The following GAREM1 variants were observed in gnomAD, a reference collection of about 807,000 sequenced individuals.
GAREM1 encodes the protein GRB2-associated and regulator of MAPK protein 1.
In GAREM1, 26 loss-of-function variants were observed where a neutral mutation model predicts 71.3. The observed-to-expected ratio is 0.36, with a 90% CI of 0.27 to 0.51. The LOEUF (loss-of-function observed/expected upper bound fraction) is 0.51. Among genes scored for constraint, GAREM1 ranks in the 20% least tolerant of loss-of-function variants. GAREM1 has a pLI of 0.95. For synonymous variants in GAREM1, 440 were observed against 433.2 expected, an observed-to-expected ratio of 1.02 and a Z score of -0.20; for missense variants, 1,026 against 1,103.1, an observed-to-expected ratio of 0.93 and a Z score of 0.99.
chr18:32,267,638 G>A lies in GAREM1; in HGVS notation c.*233C>T, dbSNP rs188884110. ...CTTTTTTTCTTTTAGCAGCTGCTGAGTGTTTGTTGAGTGACGTACAAGGCA... is the reference window on the plus strand; with the variant it reads ...CTTTTTTTCTTTTAGCAGCTGCTGAATGTTTGTTGAGTGACGTACAAGGCA... On this transcript the variant is annotated 3_prime_UTR_variant, in exon 6 of 6. Transcript: ENST00000269209. The A allele has an allele frequency of 6.6e-5, 27 of 411,804 alleles. No individual in the cohort carries two copies. The Admixed American group carries it at 9.2e-4, about 14-fold the overall frequency. The allele number at this position is 411,804 out of a possible 1,614,324, so 25.5% of individuals were successfully genotyped here.
chr18:32,459,897 G>A, intron 1 of GAREM1, among the ~76,000 whole-genome samples: 1 of 152,078 alleles, frequency 6.6e-6, no homozygotes, highest in East Asian at 1.9e-4. Flanking sequence ...GCCTTCTCAG[G>A]TATTTCATTA....
At chr18:32,343,957 C>A (rs535797719) in intron 2 of GAREM1, among the ~76,000 whole-genome samples, 38 of 152,246 alleles carry the variant, frequency 2.5e-4, no homozygotes, top group Middle Eastern at 3.4e-3. Flanking sequence ...CTCTCTGACT[C>A]CCTCCTAGGC....
chr18:32,417,625 G>A (rs1214948466), intron 1 of GAREM1, among the ~76,000 whole-genome samples: 1 of 152,106 alleles, frequency 6.6e-6, no homozygotes, highest in Non-Finnish European at 1.5e-5. Context: ...GGCACAGAAA[G>A]ACAGACATTG....
chr18:32,447,879 T>C (rs906009996), intron 1 of GAREM1, among the ~76,000 whole-genome samples: 36 of 152,308 alleles, frequency 2.4e-4, no homozygotes, highest in East Asian at 3.9e-4. Flanking sequence ...TTAGAAGTTA[T>C]GTTGTTGAAA....
intron 1 of GAREM1, among the ~76,000 whole-genome samples, chr18:32,423,712 A>G (rs2048543920): frequency 1.3e-5 from 2 of 152,244 alleles, no homozygotes; most frequent in Non-Finnish European, 2.9e-5. Context: ...AGAATCTTTA[A>G]GTTGCAAGGA....
At chr18:32,300,926 AG>A (rs1414599903) in intron 3 of GAREM1, among the ~76,000 whole-genome samples, 3 of 150,122 alleles carry the variant, frequency 2.0e-5, no homozygotes, top group African/African-American at 2.5e-5. Flanking sequence ...AAAAAAAAAA[AG>A]AAGAAGGCAC....
intron 1 of GAREM1, chr18:32,413,292 A>T: frequency 1.6e-6 from 2 of 1,283,464 alleles, no homozygotes; most frequent in Non-Finnish European, 2.2e-6. Flanking sequence ...ACTCACATTA[A>T]GTAGATTTCC....
intron 2 of GAREM1, among the ~76,000 whole-genome samples, chr18:32,321,858 A>G (rs1207792499): frequency 6.6e-6 from 1 of 152,188 alleles, no homozygotes; most frequent in Non-Finnish European, 1.5e-5. Context: ...AACCATCCCT[A>G]CACCATTGCT....
Position 32,378,012 on chromosome 18 carries a change from CTGTGTGTGTG to C in GAREM1, c.262+14873_262+14882del, listed in dbSNP as rs1157230204. Among the ~76,000 whole-genome samples the C allele has an allele frequency of 2.4e-3, 320 of 131,854 alleles. 1 individual carries two copies. The highest frequency in any genetic ancestry group is 8.4e-3 in the East Asian group (37 of 4,410). 86.5% of individuals were successfully genotyped at this position (131,854 alleles called of 152,430 possible). ...ATCCCAAAGATCACTTACTATATAACTGTGTGTGTGTGTGTGTGTGTGTGTGTGTGTGTGT... is the reference window on the plus strand; with the variant it reads ...ATCCCAAAGATCACTTACTATATAACTGTGTGTGTGTGTGTGTGTGTGTGT... On this transcript the variant is annotated intron_variant, in intron 2 of 5. Transcript: ENST00000269209.
intron 2 of GAREM1, among the ~76,000 whole-genome samples, chr18:32,358,890 C>CT (rs1483651633): frequency 6.6e-6 from 1 of 152,180 alleles, no homozygotes; most frequent in Non-Finnish European, 1.5e-5. Context: ...AACGTGGGTT[C>CT]TCTCTTGTGC....
At chr18:32,427,325 G>A (rs7243481) in intron 1 of GAREM1, among the ~76,000 whole-genome samples, 32,814 of 151,950 alleles carry the variant, frequency 0.22, 4,155 homozygotes, top group East Asian at 0.38. Flanking sequence ...CAACAGGTAT[G>A]TAAATTATTC....
At chr18:32,309,397 C>T (rs1431056671) in intron 3 of GAREM1, among the ~76,000 whole-genome samples, 1 of 148,812 alleles carries the variant, frequency 6.7e-6, no homozygotes, top group South Asian at 2.2e-4. Context: ...GGGCAGATCA[C>T]GAGGTCAGGA....
At chr18:32,463,329 A>AT (rs2048969445) in intron 1 of GAREM1, among the ~76,000 whole-genome samples, 1 of 151,540 alleles carries the variant, frequency 6.6e-6, no homozygotes, top group Admixed American at 6.6e-5. Context: ...TCTCTGGAAA[A>AT]AAAAATAAAA....
chr18:32,341,920 T>A (rs1332607933), intron 2 of GAREM1, among the ~76,000 whole-genome samples: 9 of 152,156 alleles, frequency 5.9e-5, no homozygotes, highest in African/African-American at 2.2e-4. Flanking sequence ...GAGAGGGTCC[T>A]GTCAAGGATC....
At chr18:32,307,181 A>G (rs1008858078) in intron 3 of GAREM1, among the ~76,000 whole-genome samples, 13 of 152,142 alleles carry the variant, frequency 8.5e-5, no homozygotes, top group African/African-American at 2.9e-4. Context: ...GGACTTGTAA[A>G]TAAATATATC....
intron 1 of GAREM1, among the ~76,000 whole-genome samples, chr18:32,410,289 C>G (rs2048403918): frequency 6.6e-6 from 1 of 152,182 alleles, no homozygotes; most frequent in South Asian, 2.1e-4. Flanking sequence ...TGTGCCTTCT[C>G]TCAGAAATAG....
In GAREM1 at chr18:32,288,154, A is replaced by G; in HGVS notation, c.443T>C (p.Leu148Pro). 3 of 1,613,700 alleles carry G rather than the reference A, an allele frequency of 1.9e-6. No individual in the cohort carries two copies. Among genetic ancestry groups the G allele is most frequent in the Non-Finnish European group, 2.5e-6 (3 of 1,179,856 alleles). ...NEDTEVYNIT[L>P]CTGDELTLMG... ...TAGAGTGAGTTCATCCCCAGTACACAGGGTGATGTTGTAAACTTCAGTGTC... is the reference window on the plus strand; with the variant it reads ...TAGAGTGAGTTCATCCCCAGTACACGGGGTGATGTTGTAAACTTCAGTGTC... Residue 148 changes from leucine to proline, a missense_variant, in exon 4 of 6, where the codon CTG becomes CCG. Leu to Pro is a moderately conservative substitution (Grantham distance 98). Transcript: ENST00000269209.
At chr18:32,429,444 T>C (rs2048603752) in intron 1 of GAREM1, among the ~76,000 whole-genome samples, 1 of 152,216 alleles carries the variant, frequency 6.6e-6, no homozygotes, top group Non-Finnish European at 1.5e-5. Context: ...AGAATCACTA[T>C]TGTTAATACC....
chr18:32,433,221 A>G (rs2048641519), intron 1 of GAREM1, among the ~76,000 whole-genome samples: 1 of 151,796 alleles, frequency 6.6e-6, no homozygotes, highest in East Asian at 1.9e-4. Flanking sequence ...ACAACTCAAC[A>G]TACCTTTATG....
Sources: gnomAD v4.1 joint callset for allele counts (sites outside exome capture counted in the v4.1 genomes callset) on GRCh38, gnomAD v4.1.1 for gene constraint, MANE v1.5 for transcripts, NCBI Gene and HGNC (gene_info 2026-07-23, HGNC 2026-07-21) for gene names.